Variants in CAMK1D observed in about 807,000 individuals in gnomAD.
CAMK1D encodes calcium/calmodulin dependent protein kinase ID, also known as calcium/calmodulin-dependent protein kinase type 1D.
Under a neutral mutation model 47.7 loss-of-function variants are expected in CAMK1D, and 9 were observed. That is an observed-to-expected ratio of 0.19 (90% CI 0.11 to 0.33). The LOEUF (loss-of-function observed/expected upper bound fraction) is 0.33. Among genes scored for constraint, CAMK1D ranks in the 10% least tolerant of loss-of-function variants. The pLI is 1.00. For synonymous variants in CAMK1D, 184 were observed against 184.9 expected (o/e 0.99, Z 0.04); for missense variants, 291 against 488.7 (o/e 0.60, Z 3.81).
At chr10:12,547,337 C>T (rs539510761) in intron 1 of CAMK1D, among the ~76,000 whole-genome samples, 25 of 152,310 alleles carry the variant, frequency 1.6e-4, no homozygotes, top group Admixed American at 8.5e-4. Flanking sequence ...AGGTCGACTG[C>T]AGAGAGAAGA....
At position 12,436,806 on chromosome 10, in the gene CAMK1D, A is replaced by G. The variant is rs542702572; in HGVS notation, c.92+86896A>G. Reference sequence around the variant, plus strand: ...GAGCTTAGGTGATCAGTCACAATACACGTATTAAGTGCCCATGCGTTGGTC... The same window carrying G: ...GAGCTTAGGTGATCAGTCACAATACGCGTATTAAGTGCCCATGCGTTGGTC... On this transcript the variant is annotated intron_variant, in intron 1 of 10. Coordinates refer to ENST00000619168, the MANE Select transcript of CAMK1D (RefSeq NM_153498.4). 2.0e-5 allele frequency among the ~76,000 whole-genome samples: 3 copies of G among 152,248 alleles called. No individual in the cohort carries two copies. The South Asian group carries it at 6.2e-4, about 32-fold the overall frequency.
Position 12,832,027 on chromosome 10 carries a change from A to C in CAMK1D, c.*3140A>C, listed in dbSNP as rs58734899. 6.6e-6 allele frequency: 1 copy of C among 152,220 alleles called. No homozygotes were observed. Among genetic ancestry groups the C allele is most frequent in the African/African-American group, 2.4e-5 (1 of 41,366 alleles). The allele number at this position is 152,220 out of a possible 1,614,324, so 9.4% of individuals were successfully genotyped here. A position where few individuals can be genotyped will look rare whatever the true frequency, so the allele number is the denominator to read the frequency against. The stretch of plus-strand genomic sequence containing the variant: ...GGGCTGAGGCTAAGGGTGGACGCGT[A>C]GACCCCATCACAGGCTTCCTTCCTG... On this transcript the variant is annotated 3_prime_UTR_variant, in exon 11 of 11. Coordinates refer to ENST00000619168, the MANE Select transcript of CAMK1D (RefSeq NM_153498.4).
intron 2 of CAMK1D, among the ~76,000 whole-genome samples, chr10:12,574,713 T>C (rs114392597): frequency 0.017 from 2,597 of 152,192 alleles, 67 homozygotes; most frequent in African/African-American, 0.059. Flanking sequence ...GGGTAACTTA[T>C]AAGAAAAGAT....
intron 2 of CAMK1D, among the ~76,000 whole-genome samples, chr10:12,643,028 GTCTT>G (rs1839708603): frequency 6.6e-6 from 1 of 152,114 alleles, no homozygotes; most frequent in African/African-American, 2.4e-5. Context: ...TTGACACGGA[GTCTT>G]ACTCTGTTTC....
At chr10:12,625,802 A>G (rs945673856) in intron 2 of CAMK1D, among the ~76,000 whole-genome samples, 1 of 152,082 alleles carries the variant, frequency 6.6e-6, no homozygotes, top group African/African-American at 2.4e-5. Flanking sequence ...AAGATTCGTG[A>G]AGATTACATT....
chr10:12,399,320 A>G (rs1027347313), intron 1 of CAMK1D, among the ~76,000 whole-genome samples: 2 of 152,204 alleles, frequency 1.3e-5, no homozygotes, highest in Non-Finnish European at 2.9e-5. Flanking sequence ...CCTGGCCAAC[A>G]TGGTGAAACC....
intron 3 of CAMK1D, among the ~76,000 whole-genome samples, chr10:12,734,056 C>T (rs977547048): frequency 7.9e-5 from 12 of 151,758 alleles, no homozygotes; most frequent in African/African-American, 2.2e-4. Flanking sequence ...GGCCGGGTGC[C>T]GTGGCTCCTG....
intron 1 of CAMK1D, among the ~76,000 whole-genome samples, chr10:12,548,447 C>CTTTTTTT (rs35061502): frequency 4.7e-4 from 38 of 81,198 alleles, no homozygotes; most frequent in Non-Finnish European, 5.5e-4. Context: ...CCATTTTAAG[C>CTTTTTTT]TTTTTTTTTT....
At chr10:12,503,131 T>C (rs1427997056) in intron 1 of CAMK1D, among the ~76,000 whole-genome samples, 1 of 152,228 alleles carries the variant, frequency 6.6e-6, no homozygotes, top group Admixed American at 6.5e-5. Context: ...CACATATACA[T>C]GTGCACACAT....
At chr10:12,610,431 C>A (rs926910512) in intron 2 of CAMK1D, among the ~76,000 whole-genome samples, 1 of 152,190 alleles carries the variant, frequency 6.6e-6, no homozygotes, top group Non-Finnish European at 1.5e-5. Flanking sequence ...GTCTCCTCCC[C>A]CTTCTCAGCA....
At chr10:12,636,778 T>G (rs1839523711) in intron 2 of CAMK1D, among the ~76,000 whole-genome samples, 1 of 152,186 alleles carries the variant, frequency 6.6e-6, no homozygotes, top group African/African-American at 2.4e-5. Flanking sequence ...TGATTTTCAG[T>G]TAGAAGTTTT....
At chr10:12,452,078 C>T (rs923396666) in intron 1 of CAMK1D, among the ~76,000 whole-genome samples, 17 of 152,158 alleles carry the variant, frequency 1.1e-4, no homozygotes, top group African/African-American at 3.4e-4. Context: ...TCTCGTGGAG[C>T]AGGCGAGTCA....
intron 6 of CAMK1D, among the ~76,000 whole-genome samples, chr10:12,801,395 C>CTATCTATCTATCTATCTATCTATCT (rs1564572319): frequency 1.4e-5 from 1 of 70,890 alleles, no homozygotes; most frequent in African/African-American, 4.9e-5. Context: ...TCTATCTATC[C>CTATCTATCTATCTATCTATCTATCT]ATCCATCTGT....
chr10:12,570,352 AT>A (rs1034849402), intron 2 of CAMK1D, among the ~76,000 whole-genome samples: 1 of 151,402 alleles, frequency 6.6e-6, no homozygotes, highest in African/African-American at 2.4e-5. Context: ...GATGCCGTTA[AT>A]TTTTTTTTCC....
intron 3 of CAMK1D, among the ~76,000 whole-genome samples, chr10:12,704,266 T>C (rs1007175758): frequency 2.0e-5 from 3 of 152,208 alleles, no homozygotes; most frequent in African/African-American, 4.8e-5. Flanking sequence ...TTGGCTGTTA[T>C]CAGCATTTCA....
At chr10:12,783,703 A>C (rs1837599190) in intron 5 of CAMK1D, among the ~76,000 whole-genome samples, 2 of 152,170 alleles carry the variant, frequency 1.3e-5, no homozygotes, top group South Asian at 4.1e-4. Context: ...TAATTGTTTT[A>C]AAAACAAGAT....
Position 12,370,426 on chromosome 10 carries a change from G to A in CAMK1D, c.92+20516G>A, listed in dbSNP as rs1009960481. Among the ~76,000 whole-genome samples the A allele has an allele frequency of 3.9e-5, 6 of 152,132 alleles. No homozygotes were observed. In the South Asian group the frequency reaches 6.2e-4, roughly 16 times the overall value. On this transcript the variant is annotated intron_variant, in intron 1 of 10. Coordinates refer to ENST00000619168, the MANE Select transcript of CAMK1D (RefSeq NM_153498.4). ...TCTACTTATTAAAAAAAAAGTCAAC[G>A]GTAGAACAGCCTCAGGCAGGTCCTC...
chr10:12,576,743 C>T (rs1297532875), intron 2 of CAMK1D, among the ~76,000 whole-genome samples: 1 of 152,218 alleles, frequency 6.6e-6, no homozygotes, highest in African/African-American at 2.4e-5. Context: ...CACTTGCCTA[C>T]CACTCACCTT....
intron 5 of CAMK1D, among the ~76,000 whole-genome samples, chr10:12,789,496 C>T (rs146949289): frequency 3.9e-4 from 59 of 152,336 alleles, no homozygotes; most frequent in African/African-American, 1.3e-3. Context: ...ATTTTTCTCA[C>T]CTATCAGGTG....
Sources: allele counts gnomAD v4.1 joint callset (sites outside exome capture counted in the v4.1 genomes callset), GRCh38; gene constraint gnomAD v4.1.1; transcripts MANE v1.5; gene names NCBI Gene and HGNC (gene_info 2026-07-23, HGNC 2026-07-21).